MSR1: variants seen among roughly 807,000 people sequenced by gnomAD.
The protein encoded by MSR1 is macrophage scavenger receptor 1, also known as macrophage scavenger receptor types I and II.
In MSR1, 53 loss-of-function variants were observed where a neutral mutation model predicts 47.2. The observed-to-expected ratio is 1.12, with a 90% CI of 0.90 to 1.41. MSR1 has a LOEUF of 1.41. MSR1 is among the 40% of genes most tolerant of loss of function. The pLI, the probability that MSR1 is intolerant of heterozygous loss-of-function variation, is 0.00. For missense variants in MSR1, 786 were observed against 546.9 expected, an observed-to-expected ratio of 1.44 and a Z score of -4.36; for synonymous variants, 239 against 185.6, an observed-to-expected ratio of 1.29 and a Z score of -2.34.
chr8:16,143,579 T>G lies in MSR1; in HGVS notation c.1012A>C (p.Lys338Gln), dbSNP rs1389339719. Residue 338 changes from lysine (K) to glutamine (Q), a missense_variant, in exon 8 of 10, where the codon AAG becomes CAG. By Grantham distance (53) the Lys-to-Gln change is moderately conservative. Transcript: ENST00000262101. Reference sequence around the variant, plus strand: ...TTACTTAATGTGTTTCCACTCCCCTTTTCCCCTTTCTGGCCTTTTGGTCCA... The same window carrying G: ...TTACTTAATGTGTTTCCACTCCCCTGTTCCCCTTTCTGGCCTTTTGGTCCA... The part of the protein sequence containing the change: ...NSGPKGQKGE[K>Q]GSGNTLTPFT... The G allele has an allele frequency of 6.2e-7, 1 of 1,612,594 alleles. No homozygotes were observed. The highest frequency in any genetic ancestry group is 1.7e-5 in the Admixed American group (1 of 59,954).
chr8:16,170,905 T>C (rs965347485), intron 3 of MSR1, among the ~76,000 whole-genome samples: 4 of 152,176 alleles, frequency 2.6e-5, no homozygotes, highest in Non-Finnish European at 5.9e-5. Context: ...TAAATAGGCA[T>C]ATCTATTCCT....
intron 7 of MSR1, among the ~76,000 whole-genome samples, chr8:16,148,631 C>T (rs1800763284): frequency 6.6e-6 from 1 of 151,862 alleles, no homozygotes; most frequent in Non-Finnish European, 1.5e-5. Flanking sequence ...TTGGTAGAGA[C>T]ACGGTTTCAC....
intron 9 of MSR1, among the ~76,000 whole-genome samples, chr8:16,113,991 A>G (rs1339729709): frequency 6.6e-6 from 1 of 151,594 alleles, no homozygotes; most frequent in Non-Finnish European, 1.5e-5. Flanking sequence ...TGAAAAAAAT[A>G]TGCTATTTTT....
At chr8:16,165,746 A>G (rs910878185) in intron 4 of MSR1, among the ~76,000 whole-genome samples, 4 of 152,162 alleles carry the variant, frequency 2.6e-5, no homozygotes, top group African/African-American at 9.7e-5. Context: ...GTCAGAGTGT[A>G]GGACCTTCGA....
chr8:16,157,195 G>A (rs1203556704), intron 5 of MSR1, among the ~76,000 whole-genome samples: 1 of 151,932 alleles, frequency 6.6e-6, no homozygotes, highest in East Asian at 1.9e-4. Flanking sequence ...ACAGAGAATA[G>A]ATCTAGACTC....
In MSR1 at chr8:16,134,280, T is replaced by C. The variant is rs544110118; in HGVS notation, c.1033+9278A>G. ...TTGTTCTTAGTGCATCAAATTAGAT[T>C]CTATTCAGACATGTTATAATAAGCT... is the stretch of plus-strand genomic sequence containing the variant. On this transcript the variant is annotated intron_variant, in intron 8 of 9. Transcript: ENST00000262101. 2.6e-5 allele frequency among the ~76,000 whole-genome samples: 4 copies of C among 152,270 alleles called. No homozygotes were observed. The East Asian group carries it at 7.7e-4, about 29-fold the overall frequency.
At chr8:16,183,631 A>G (rs1801905446) in intron 1 of MSR1, among the ~76,000 whole-genome samples, 2 of 141,800 alleles carry the variant, frequency 1.4e-5, no homozygotes, top group African/African-American at 5.2e-5. Flanking sequence ...TATATATAAT[A>G]TATAATATAA....
intron 1 of MSR1, among the ~76,000 whole-genome samples, chr8:16,185,663 T>C (rs1006743614): frequency 6.6e-6 from 1 of 152,084 alleles, no homozygotes; most frequent in South Asian, 2.1e-4. Context: ...ATTCCAATTT[T>C]TGGACTTCGG....
intron 8 of MSR1, among the ~76,000 whole-genome samples, chr8:16,130,213 G>A (rs370127871): frequency 4.5e-4 from 68 of 152,264 alleles, no homozygotes; most frequent in African/African-American, 1.5e-3. Flanking sequence ...GGTATATCCT[G>A]TTTTATTGGT....
At chr8:16,170,921 G>A (rs975052564) in intron 3 of MSR1, among the ~76,000 whole-genome samples, 1 of 152,114 alleles carries the variant, frequency 6.6e-6, no homozygotes, top group African/African-American at 2.4e-5. Flanking sequence ...TTCCTCTAAA[G>A]TGCCTTGTAC....
intron 1 of MSR1, among the ~76,000 whole-genome samples, chr8:16,181,650 G>T (rs969498535): frequency 3.3e-5 from 5 of 152,076 alleles, no homozygotes; most frequent in East Asian, 1.9e-4. Flanking sequence ...GGCCTGTCAG[G>T]GGGTGGGAGG....
intron 2 of MSR1, among the ~76,000 whole-genome samples, chr8:16,176,147 A>G (rs2117204688): frequency 6.6e-6 from 1 of 152,336 alleles, no homozygotes; most frequent in East Asian, 1.9e-4. Flanking sequence ...AAATTGTTAA[A>G]TTAAAAACAA....
At chr8:16,151,689 A>G (rs351541) in intron 6 of MSR1, among the ~76,000 whole-genome samples, 3,041 of 152,272 alleles carry the variant, frequency 0.02, 108 homozygotes, top group African/African-American at 0.069. Flanking sequence ...GTTAGACATC[A>G]TCAAGTCAGA....
intron 1 of MSR1, among the ~76,000 whole-genome samples, chr8:16,188,154 G>T (rs1448541265): frequency 6.6e-6 from 1 of 152,062 alleles, no homozygotes; most frequent in Non-Finnish European, 1.5e-5. Flanking sequence ...AGTGAAACAC[G>T]TTTCTGTAAT....
chr8:16,173,388 A>G (rs950409333), intron 3 of MSR1, among the ~76,000 whole-genome samples: 2 of 152,224 alleles, frequency 1.3e-5, no homozygotes, highest in African/African-American at 4.8e-5. Context: ...TAATTGGTTT[A>G]TATGTAATAA....
At chr8:16,172,071 T>C (rs932325471) in intron 3 of MSR1, among the ~76,000 whole-genome samples, 3 of 152,224 alleles carry the variant, frequency 2.0e-5, no homozygotes, top group Non-Finnish European at 4.4e-5. Flanking sequence ...TATGGGGAAG[T>C]AGCATTGTGT....
intron 5 of MSR1, among the ~76,000 whole-genome samples, chr8:16,157,376 AATTTGGAGTTAAAGATCCCTC>A (rs1801040704): frequency 6.6e-6 from 1 of 151,848 alleles, no homozygotes; most frequent in African/African-American, 2.4e-5. Context: ...TATTTTACAA[AATTTGGAGTTAAAGATCCCTC>A]TCTGTATTTT....
chr8:16,160,916 A>G (rs1801142016), intron 5 of MSR1, among the ~76,000 whole-genome samples: 1 of 151,950 alleles, frequency 6.6e-6, no homozygotes, highest in African/African-American at 2.4e-5. Context: ...TTTAGATTTT[A>G]TCCCAAGACT....
chr8:16,134,502 C>T (rs1563145279), intron 8 of MSR1, among the ~76,000 whole-genome samples: 1 of 152,080 alleles, frequency 6.6e-6, no homozygotes, highest in Non-Finnish European at 1.5e-5. Flanking sequence ...TGTGTGTATT[C>T]TGACTGCTCC....
Sources: allele counts gnomAD v4.1 joint callset (sites outside exome capture counted in the v4.1 genomes callset), GRCh38; gene constraint gnomAD v4.1.1; transcripts MANE v1.5; gene names NCBI Gene and HGNC (gene_info 2026-07-23, HGNC 2026-07-21).